EDIL3: variants seen among roughly 807,000 people sequenced by gnomAD.
EDIL3 encodes the protein EGF-like repeat and discoidin I-like domain-containing protein 3.
Under a neutral mutation model 67.4 loss-of-function variants are expected in EDIL3, and 37 were observed. The ratio of observed to expected loss-of-function variants is 0.55; its 90% CI spans 0.42 to 0.72. EDIL3 has a LOEUF of 0.72. Ranked by LOEUF, EDIL3 falls within the 30% of genes least tolerant of loss-of-function variation. The probability of loss-of-function intolerance (pLI) is 0.00; values close to 1 mark genes in which losing one functional copy is unlikely to be tolerated. For synonymous variants in EDIL3, 195 were observed against 196.3 expected (o/e 0.99, Z 0.05); for missense variants, 527 against 586.3 (o/e 0.90, Z 1.04).
chr5:84,051,549 TA>T lies in EDIL3; in HGVS notation c.1137+8750del, dbSNP rs199587887. Among the ~76,000 whole-genome samples, 1,027 of 152,222 alleles carry T rather than the reference TA, an allele frequency of 6.7e-3. 15 individuals are homozygous for T. The highest frequency in any genetic ancestry group is 0.024 in the African/African-American group (990 of 41,544). ...AAGTTCGAACCCATTGCAAAGAAGC[TA>T]AAAACCTTGAAAAATGATTAAACAA... On this transcript the variant is annotated intron_variant, in intron 9 of 10. Coordinates refer to ENST00000296591, the MANE Select transcript of EDIL3 (RefSeq NM_005711.5).
At chr5:84,151,877 A>G (rs910113252) in intron 4 of EDIL3, among the ~76,000 whole-genome samples, 5 of 151,922 alleles carry the variant, frequency 3.3e-5, no homozygotes, top group African/African-American at 1.2e-4. Flanking sequence ...ACTATGAAAT[A>G]ATAATAATTT....
At chr5:84,100,494 T>G (rs567314668) in intron 6 of EDIL3, among the ~76,000 whole-genome samples, 1 of 152,128 alleles carries the variant, frequency 6.6e-6, no homozygotes, top group South Asian at 2.1e-4. Flanking sequence ...AAACACCACA[T>G]GTTCTCAGTC....
At chr5:84,349,976 C>G (rs1747322139) in intron 1 of EDIL3, among the ~76,000 whole-genome samples, 1 of 152,058 alleles carries the variant, frequency 6.6e-6, no homozygotes, top group African/African-American at 2.4e-5. Flanking sequence ...AGATACTACT[C>G]TTTATTTATT....
chr5:84,165,185 AG>A (rs1409432472), intron 4 of EDIL3, among the ~76,000 whole-genome samples: 1 of 152,168 alleles, frequency 6.6e-6, no homozygotes, highest in Non-Finnish European at 1.5e-5. Context: ...TAAAGCATAC[AG>A]CTAGACTCTG....
chr5:84,092,778 T>A (rs1747189840), intron 6 of EDIL3, among the ~76,000 whole-genome samples: 1 of 134,340 alleles, frequency 7.4e-6, no homozygotes, highest in Non-Finnish European at 1.6e-5. Context: ...AAACATTTAT[T>A]CTTTTAACAT....
chr5:84,040,109 A>G (rs1561411800), intron 9 of EDIL3, among the ~76,000 whole-genome samples: 1 of 152,342 alleles, frequency 6.6e-6, no homozygotes, highest in East Asian at 1.9e-4. Context: ...ATTGTCATGC[A>G]ACTAGTGGCA....
At chr5:84,219,333 G>C (rs1205810062) in intron 3 of EDIL3, among the ~76,000 whole-genome samples, 1 of 152,158 alleles carries the variant, frequency 6.6e-6, no homozygotes, top group Non-Finnish European at 1.5e-5. Flanking sequence ...AAGAAATTAA[G>C]AAGGAAATTT....
At chr5:84,141,044 T>A (rs1487108676) in intron 4 of EDIL3, among the ~76,000 whole-genome samples, 3 of 152,024 alleles carry the variant, frequency 2.0e-5, no homozygotes, top group Non-Finnish European at 4.4e-5. Context: ...GAAATGAAAC[T>A]TAAACATATT....
chr5:84,064,700 C>A lies in EDIL3; in HGVS notation c.952G>T (p.Gly318Cys), dbSNP rs1455340140. The A allele has an allele frequency of 6.2e-7, 1 of 1,609,788 alleles. No homozygotes were observed. The highest frequency in any genetic ancestry group is 1.7e-5 in the Admixed American group (1 of 59,578). ...RMELLGCELSGCSEPLGMKSG... is the reference protein window; with the variant it reads ...RMELLGCELSCCSEPLGMKSG... ...CAGAAATAGTTAATTTGAGACTTAC[C>A]CGACAGTTCACAGCCAAGAAGTTCC... Residue 318 changes from glycine (G) to cysteine (C), a missense_variant and splice_region_variant, in exon 8 of 11, where the codon GGT becomes TGT. By Grantham distance (159) the Gly-to-Cys change is radical (BLOSUM62 -3). Around this residue, in one of 2 missense-constraint regions of EDIL3, gnomAD observed 494 missense variants for 522.5 expected, o/e 0.95. Coordinates refer to ENST00000296591, the MANE Select transcript of EDIL3 (RefSeq NM_005711.5).
At chr5:84,343,026 G>C (rs1747157443) in intron 1 of EDIL3, among the ~76,000 whole-genome samples, 2 of 151,920 alleles carry the variant, frequency 1.3e-5, no homozygotes, top group Non-Finnish European at 2.9e-5. Context: ...TTCAATTTTT[G>C]ATAGTACTTT....
chr5:84,087,892 T>A (rs1747100140), intron 6 of EDIL3, among the ~76,000 whole-genome samples: 1 of 152,144 alleles, frequency 6.6e-6, no homozygotes, highest in African/African-American at 2.4e-5. Context: ...AATGAATAAA[T>A]TCATTAATTT....
chr5:83,947,363 C>CTGTGTGTGTG (rs71605883), intron 10 of EDIL3, among the ~76,000 whole-genome samples: 4 of 126,570 alleles, frequency 3.2e-5, no homozygotes, highest in Admixed American at 8.0e-5. Flanking sequence ...GTGTCTGTGT[C>CTGTGTGTGTG]TGTGTCTGTG....
At chr5:84,206,568 C>T (rs999606143) in intron 3 of EDIL3, among the ~76,000 whole-genome samples, 2 of 152,052 alleles carry the variant, frequency 1.3e-5, no homozygotes, top group African/African-American at 2.4e-5. Context: ...CATCCTGATA[C>T]CAAAGCCAGG....
Position 84,115,903 on chromosome 5 carries a change from A to G in EDIL3, c.470-9073T>C, listed in dbSNP as rs1256655252. 2.0e-5 allele frequency among the ~76,000 whole-genome samples: 3 copies of G among 152,232 alleles called. No individual in the cohort carries two copies. In the East Asian group the frequency reaches 5.8e-4, roughly 29 times the overall value. On this transcript the variant is annotated intron_variant, in intron 5 of 10. Coordinates refer to ENST00000296591, the MANE Select transcript of EDIL3 (RefSeq NM_005711.5). ...AAATACAAAATGTAAACATCCATAC[A>G]GTGCTTGTAGAAGACAGATTCCTAT...
chr5:84,251,414 CTT>C (rs749584433), intron 2 of EDIL3, among the ~76,000 whole-genome samples: 1 of 138,748 alleles, frequency 7.2e-6, no homozygotes. Flanking sequence ...CACGCCCGGC[CTT>C]TTTTTTTTTT....
intron 3 of EDIL3, among the ~76,000 whole-genome samples, chr5:84,214,118 C>T (rs184355157): frequency 1.0e-3 from 158 of 152,272 alleles, no homozygotes; most frequent in African/African-American, 3.5e-3. Flanking sequence ...GCTGTGGTTT[C>T]CTACCAGTTA....
chr5:84,198,677 G>A (rs1299879386), intron 3 of EDIL3, among the ~76,000 whole-genome samples: 2 of 152,022 alleles, frequency 1.3e-5, no homozygotes, highest in African/African-American at 4.8e-5. Context: ...GAAATACTGT[G>A]TTAAGAAAAG....
At chr5:84,114,665 T>A (rs952184177) in intron 5 of EDIL3, among the ~76,000 whole-genome samples, 5 of 152,216 alleles carry the variant, frequency 3.3e-5, no homozygotes, top group Non-Finnish European at 5.9e-5. Flanking sequence ...CAAAAATTAG[T>A]TAAACTTACT....
chr5:84,295,118 A>G (rs905785895), intron 1 of EDIL3, among the ~76,000 whole-genome samples: 1 of 152,184 alleles, frequency 6.6e-6, no homozygotes, highest in Non-Finnish European at 1.5e-5. Context: ...CAGTTATAAG[A>G]AAATGAAAAA....
Sources: allele counts gnomAD v4.1 joint callset (sites outside exome capture counted in the v4.1 genomes callset), GRCh38; gene constraint gnomAD v4.1.1; regional missense constraint gnomAD v4.1.1; transcripts MANE v1.5; gene names NCBI Gene and HGNC (gene_info 2026-07-23, HGNC 2026-07-21).